Variants in KCNQ1 observed in about 807,000 individuals in gnomAD.
KCNQ1 encodes the protein potassium voltage-gated channel subfamily KQT member 1.
A neutral mutation model predicts 72.4 loss-of-function variants in KCNQ1; 49 were observed. That is an observed-to-expected ratio of 0.68 (90% CI 0.54 to 0.86). The LOEUF is 0.86. KCNQ1 is among the 40% of genes least tolerant of loss of function. KCNQ1 has a pLI of 0.00. For missense variants in KCNQ1, 790 were observed against 945.1 expected (o/e 0.84, Z 2.15); for synonymous variants, 450 against 412.6 (o/e 1.09, Z -1.10).
chr11:2,657,017 C>T lies in KCNQ1; in HGVS notation c.1394-4944C>T, dbSNP rs1590011301. 1 of 398,626 alleles carries T rather than the reference C, an allele frequency of 2.5e-6. No homozygotes were observed. The highest frequency in any genetic ancestry group is 3.6e-5 in the East Asian group (1 of 28,074). 24.7% of individuals were successfully genotyped at this position (398,626 alleles called of 1,614,324 possible). A position where few individuals can be genotyped will look rare whatever the true frequency, so the allele number is the denominator to read the frequency against. The stretch of plus-strand genomic sequence containing the variant: ...CAGGATGTGCAGGCCACCTCTGATA[C>T]ACAGCAAGCTTCCATATTTGTGTGG... On this transcript the variant is annotated intron_variant, in intron 10 of 15. Coordinates refer to ENST00000155840, the MANE Select transcript of KCNQ1 (RefSeq NM_000218.3). The surrounding 1 kb of genome is among the most constrained non-coding windows in gnomAD (Gnocchi z 4.8).
At chr11:2,587,113 GC>G (rs1848602920) in intron 8 of KCNQ1, among the ~76,000 whole-genome samples, 1 of 152,150 alleles carries the variant, frequency 6.6e-6, no homozygotes, top group South Asian at 2.1e-4. Context: ...GCCTCTCCCT[GC>G]CCCCTGCTCA....
rs1248141763 is a variant in KCNQ1 at position 2,509,323 on chromosome 11, T to TC, written c.387-18601dup. Among the ~76,000 whole-genome samples the TC allele has an allele frequency of 1.3e-5, 2 of 152,168 alleles. No individual in the cohort carries two copies. The highest frequency in any genetic ancestry group is 2.9e-5 in the Non-Finnish European group (2 of 68,042). On this transcript the variant is annotated intron_variant, in intron 1 of 15. Transcript: ENST00000155840. This position sits in a 1 kb window ranked among gnomAD's most constrained non-coding sequence, Gnocchi z 6.3. Reference sequence around the variant, plus strand: ...CCCTTCCCTTGGCATCATCATTGTTTCCCCTCCATGTTCAAGTTCAGCATC... The same window carrying TC: ...CCCTTCCCTTGGCATCATCATTGTTTCCCCCTCCATGTTCAAGTTCAGCATC...
intron 10 of KCNQ1, chr11:2,643,987 CT>C (rs1849623162): frequency 2.5e-6 from 1 of 398,410 alleles, no homozygotes; most frequent in African/African-American, 2.1e-5. Context: ...AGGTTGTTCC[CT>C]TGTAAGTGTC....
rs1846677855 is a variant in KCNQ1, at chr11:2,483,020, GC to G, written c.386+37538del. Among the ~76,000 whole-genome samples, 1 of 152,188 alleles carries G rather than the reference GC, an allele frequency of 6.6e-6. No individual in the cohort carries two copies. On this transcript the variant is annotated intron_variant, in intron 1 of 15. Coordinates refer to ENST00000155840, the MANE Select transcript of KCNQ1 (RefSeq NM_000218.3). This position sits in a 1 kb window ranked among gnomAD's most constrained non-coding sequence, Gnocchi z 6.1. ...GGGAGGAATGGGAGGGTGAAGGAGT[GC>G]CTTTTGTGGAGGGGAGTCGGACACA...
chr11:2,804,065 G>C (rs1162357031), intron 15 of KCNQ1, among the ~76,000 whole-genome samples: 1 of 152,174 alleles, frequency 6.6e-6, no homozygotes, highest in East Asian at 1.9e-4. Context: ...GGAGCCTGGA[G>C]CTCCTTCTGC....
In KCNQ1 at chr11:2,482,464, T is replaced by C. The variant is rs986563656; in HGVS notation, c.386+36980T>C. ...AATAGCATTGTGATGCAAATCCTTG[T>C]ACACTCATTTTTGCCTGGAACTCAA... On this transcript the variant is annotated intron_variant, in intron 1 of 15. Coordinates refer to ENST00000155840, the MANE Select transcript of KCNQ1 (RefSeq NM_000218.3). The surrounding 1 kb of genome is among the most constrained non-coding windows in gnomAD (Gnocchi z 5.7). Among the ~76,000 whole-genome samples, 6 of 152,214 alleles carry C rather than the reference T, an allele frequency of 3.9e-5. No individual in the cohort carries two copies. The highest frequency in any genetic ancestry group is 8.8e-5 in the Non-Finnish European group (6 of 68,032).
chr11:2,571,032 G>A (rs1848325642), intron 3 of KCNQ1, among the ~76,000 whole-genome samples: 1 of 152,170 alleles, frequency 6.6e-6, no homozygotes, highest in South Asian at 2.1e-4. Flanking sequence ...GTCACCCTCG[G>A]CAGCCTGAGA....
chr11:2,531,334 C>T (rs762784028), intron 2 of KCNQ1, among the ~76,000 whole-genome samples: 3 of 152,120 alleles, frequency 2.0e-5, no homozygotes, highest in Non-Finnish European at 2.9e-5. Context: ...CCGTCTGCAG[C>T]CCTAGAATCA....
At chr11:2,604,475 C>CA (rs769156590) in intron 10 of KCNQ1, among the ~76,000 whole-genome samples, 37 of 150,366 alleles carry the variant, frequency 2.5e-4, no homozygotes, top group African/African-American at 8.1e-4. Context: ...AAGACTGTTT[C>CA]AAAAAAACAA....
rs759994872 is a variant in KCNQ1 at position 2,809,381 on chromosome 11, C to G, written c.1794+31344C>G. ...CTCAGCTTTGTGTGGTAGCCAGCGA[C>G]GCTGCAACCCCGCCCCCGCAGCCTC... On this transcript the variant is annotated intron_variant, in intron 15 of 15. Coordinates refer to ENST00000155840, the MANE Select transcript of KCNQ1 (RefSeq NM_000218.3). This position sits in a 1 kb window ranked among gnomAD's most constrained non-coding sequence, Gnocchi z 7.1. Among the ~76,000 whole-genome samples the G allele has an allele frequency of 1.3e-5, 2 of 152,136 alleles. No individual in the cohort carries two copies. Among genetic ancestry groups the G allele is most frequent in the Non-Finnish European group, 2.9e-5 (2 of 68,030 alleles).
Position 2,497,747 on chromosome 11 carries a change from T to C in KCNQ1, c.387-30181T>C, listed in dbSNP as rs1311605142. 2.0e-5 allele frequency among the ~76,000 whole-genome samples: 3 copies of C among 152,170 alleles called. No homozygotes were observed. Among genetic ancestry groups the C allele is most frequent in the Non-Finnish European group, 4.4e-5 (3 of 68,028 alleles). ...GTGATCATTTGGAGGAGAAGAGGCA[T>C]TCTGGTTTTTAGAATGTTCAGCATT... On this transcript the variant is annotated intron_variant, in intron 1 of 15. Coordinates refer to ENST00000155840, the MANE Select transcript of KCNQ1 (RefSeq NM_000218.3). This position sits in a 1 kb window ranked among gnomAD's most constrained non-coding sequence, Gnocchi z 4.5.
At chr11:2,714,910 G>C (rs573660276) in intron 11 of KCNQ1, among the ~76,000 whole-genome samples, 1 of 151,932 alleles carries the variant, frequency 6.6e-6, no homozygotes, top group Non-Finnish European at 1.5e-5. Context: ...ATGCTCTCCA[G>C]CTCGTCAGTG....
chr11:2,449,561 A>T (rs1174185679), intron 1 of KCNQ1, among the ~76,000 whole-genome samples: 2 of 152,090 alleles, frequency 1.3e-5, no homozygotes, highest in African/African-American at 2.4e-5. Flanking sequence ...CCATCCTGGC[A>T]TGTGGCACGT....
Position 2,808,615 on chromosome 11 carries a change from A to G in KCNQ1, c.1794+30578A>G, listed in dbSNP as rs560895411. Among the ~76,000 whole-genome samples, 1 of 152,280 alleles carries G rather than the reference A, an allele frequency of 6.6e-6. No individual in the cohort carries two copies. Among genetic ancestry groups the G allele is most frequent in the Admixed American group, 6.5e-5 (1 of 15,304 alleles). ...TGATTGAGTGATTGATTGATTGATA[A>G]TCTTGGTTCTATTTGAATTTCTAGA... On this transcript the variant is annotated intron_variant, in intron 15 of 15. Transcript: ENST00000155840. The surrounding 1 kb of genome is among the most constrained non-coding windows in gnomAD (Gnocchi z 6.0).
intron 2 of KCNQ1, among the ~76,000 whole-genome samples, chr11:2,546,490 T>C (rs1261808165): frequency 6.6e-6 from 1 of 152,230 alleles, no homozygotes; most frequent in East Asian, 1.9e-4. Context: ...ACATCAGTAA[T>C]GATACATCCT....
At position 2,677,013 on chromosome 11, in the gene KCNQ1, T is replaced by C. The variant is rs1379677177; in HGVS notation, c.1514+14932T>C. ...CAGAGTTTCATTGTGCCATGATTTA[T>C]GGAACAGATCCTCTGTTGATGGATA... is the stretch of plus-strand genomic sequence containing the variant. On this transcript the variant is annotated intron_variant, in intron 11 of 15. Coordinates refer to ENST00000155840, the MANE Select transcript of KCNQ1 (RefSeq NM_000218.3). This position sits in a 1 kb window ranked among gnomAD's most constrained non-coding sequence, Gnocchi z 4.5. 5.0e-6 allele frequency: 2 copies of C among 398,542 alleles called. No individual in the cohort carries two copies. Among genetic ancestry groups the C allele is most frequent in the East Asian group, 3.6e-5 (1 of 28,098 alleles). 24.7% of individuals were successfully genotyped at this position (398,542 alleles called of 1,614,324 possible). A position where few individuals can be genotyped will look rare whatever the true frequency, so the allele number is the denominator to read the frequency against.
intron 11 of KCNQ1, among the ~76,000 whole-genome samples, chr11:2,721,142 G>A (rs890718425): frequency 5.9e-5 from 9 of 152,230 alleles, no homozygotes; most frequent in African/African-American, 1.7e-4. Context: ...TCTGGACGCC[G>A]GGGGGACATG....
chr11:2,586,301 G>A (rs1351125363), intron 8 of KCNQ1, among the ~76,000 whole-genome samples: 5 of 152,352 alleles, frequency 3.3e-5, no homozygotes, highest in Admixed American at 6.5e-5. Context: ...GGGGCCAGTC[G>A]CAGTCCTCCT....
chr11:2,581,185 C>G (rs1848493446), intron 6 of KCNQ1, among the ~76,000 whole-genome samples: 1 of 152,218 alleles, frequency 6.6e-6, no homozygotes, highest in African/African-American at 2.4e-5. Flanking sequence ...CTGCCCAGGC[C>G]CTTCTAGGCC....
Sources: gnomAD v4.1 joint callset for allele counts (sites outside exome capture counted in the v4.1 genomes callset) on GRCh38, gnomAD v4.1.1 for gene constraint, Gnocchi (gnomAD v3.1) non-coding constraint, MANE v1.5 for transcripts, NCBI Gene and HGNC (gene_info 2026-07-23, HGNC 2026-07-21) for gene names.